Variants in PKNOX2 observed in about 807,000 individuals in gnomAD.
PKNOX2 encodes homeobox protein PKNOX2.
PKNOX2 carries 14 observed loss-of-function variants against 53.1 expected under a neutral mutation model. The observed-to-expected ratio is 0.26, with a 90% CI of 0.17 to 0.41. PKNOX2 has a LOEUF of 0.41. Among genes scored for constraint, PKNOX2 ranks in the 10% least tolerant of loss-of-function variants. The probability of loss-of-function intolerance (pLI) is 1.00; values close to 1 mark genes in which losing one functional copy is unlikely to be tolerated. For missense variants in PKNOX2, 496 were observed against 602.8 expected, an observed-to-expected ratio of 0.82 and a Z score of 1.85; for synonymous variants, 257 against 242.8, an observed-to-expected ratio of 1.06 and a Z score of -0.54.
chr11:125,178,632 A>G (rs1479906897), intron 1 of PKNOX2, among the ~76,000 whole-genome samples: 3 of 89,150 alleles, frequency 3.4e-5, no homozygotes, highest in African/African-American at 2.3e-4. Context: ...GAAAGAAAGA[A>G]AGAAAGAAAG....
chr11:125,289,274 A>G (rs111543193), intron 2 of PKNOX2, among the ~76,000 whole-genome samples: 14 of 152,308 alleles, frequency 9.2e-5, no homozygotes, highest in African/African-American at 3.1e-4. Flanking sequence ...CTCATGACTG[A>G]CTGCATGCCA....
At chr11:125,305,731 A>C (rs1948399135) in intron 2 of PKNOX2, among the ~76,000 whole-genome samples, 1 of 152,200 alleles carries the variant, frequency 6.6e-6, no homozygotes, top group Non-Finnish European at 1.5e-5. Flanking sequence ...CAAAGGTGGA[A>C]GGGAGGGGAG....
At chr11:125,183,802 G>C (rs1035420031) in intron 1 of PKNOX2, among the ~76,000 whole-genome samples, 2 of 152,056 alleles carry the variant, frequency 1.3e-5, no homozygotes, top group Non-Finnish European at 2.9e-5. Flanking sequence ...CTGAGCTGAG[G>C]GCATCAGCAG....
intron 2 of PKNOX2, among the ~76,000 whole-genome samples, chr11:125,280,378 T>A (rs1290972911): frequency 6.6e-6 from 1 of 152,100 alleles, no homozygotes; most frequent in Non-Finnish European, 1.5e-5. Context: ...GGACCTTGAA[T>A]GGGAAGTGTA....
At chr11:125,255,828 T>C (rs1031796557) in intron 2 of PKNOX2, among the ~76,000 whole-genome samples, 5 of 151,646 alleles carry the variant, frequency 3.3e-5, no homozygotes, top group Non-Finnish European at 7.4e-5. Flanking sequence ...TCTCCCAAGT[T>C]CAGCATTCCA....
intron 2 of PKNOX2, among the ~76,000 whole-genome samples, chr11:125,253,989 C>T (rs187840698): frequency 2.0e-5 from 3 of 152,184 alleles, no homozygotes; most frequent in South Asian, 2.1e-4. Flanking sequence ...CGAAGGAAGC[C>T]GCGTCTGGCT....
chr11:125,387,554 G>A (rs1401890685), intron 6 of PKNOX2, among the ~76,000 whole-genome samples: 1 of 152,036 alleles, frequency 6.6e-6, no homozygotes, highest in Non-Finnish European at 1.5e-5. Context: ...GGTTCCCCAG[G>A]GTTCTGTTCA....
chr11:125,177,007 A>T (rs1955761948), intron 1 of PKNOX2, among the ~76,000 whole-genome samples: 1 of 152,184 alleles, frequency 6.6e-6, no homozygotes, highest in South Asian at 2.1e-4. Context: ...TGCGATGTTC[A>T]TGTTCACGTC....
rs1210734768 is a variant in PKNOX2, at chr11:125,177,649, C to T, written c.-201+12873C>T. ...AGAGGGTTCTCATATTCATGAGTTC[C>T]TTTCCCGTCACTTCCGTCTCTCTCC... On this transcript the variant is annotated intron_variant, in intron 1 of 12. Coordinates refer to ENST00000298282, the MANE Select transcript of PKNOX2 (RefSeq NM_001382323.2). Among the ~76,000 whole-genome samples the T allele has an allele frequency of 2.0e-5, 3 of 152,202 alleles. No homozygotes were observed. In the East Asian group the frequency reaches 5.8e-4, roughly 29 times the overall value.
At chr11:125,277,249 A>T (rs1946231579) in intron 2 of PKNOX2, among the ~76,000 whole-genome samples, 1 of 152,172 alleles carries the variant, frequency 6.6e-6, no homozygotes, top group Admixed American at 6.5e-5. Context: ...TGGGAAGAAA[A>T]AACAATAATA....
chr11:125,431,470 G>GCCCCCCCCCCCC lies in PKNOX2; in HGVS notation c.*78_*79insCCCCCCCCCCCC. On this transcript the variant is annotated 3_prime_UTR_variant, in exon 13 of 13. Coordinates refer to ENST00000298282, the MANE Select transcript of PKNOX2 (RefSeq NM_001382323.2). ...AGGCCTTCAGGGTGGGGGGGAAGGG[G>GCCCCCCCCCCCC]ACATGGGCAGGAAGCACCGAGGGAG... 1 of 282,772 alleles carries GCCCCCCCCCCCC rather than the reference G, an allele frequency of 3.5e-6. No homozygotes were observed. The highest frequency in any genetic ancestry group is 7.1e-6 in the Non-Finnish European group (1 of 140,432). The allele number at this position is 282,772 out of a possible 1,614,324, so 17.5% of individuals were successfully genotyped here. A position where few individuals can be genotyped will look rare whatever the true frequency, so the allele number is the denominator to read the frequency against.
intron 9 of PKNOX2, chr11:125,411,097 C>A (rs1565519707): frequency 2.0e-6 from 1 of 502,434 alleles, no homozygotes; most frequent in East Asian, 3.5e-5. Context: ...ATCAAAGGAT[C>A]CTGCACTTCC....
chr11:125,168,169 A>C (rs902946798), intron 1 of PKNOX2, among the ~76,000 whole-genome samples: 2 of 152,220 alleles, frequency 1.3e-5, no homozygotes, highest in Non-Finnish European at 2.9e-5. Flanking sequence ...AGTAAGATAA[A>C]TGTGTTTAAA....
At chr11:125,225,482 A>T (rs1279426578) in intron 1 of PKNOX2, among the ~76,000 whole-genome samples, 2 of 152,180 alleles carry the variant, frequency 1.3e-5, no homozygotes, top group Non-Finnish European at 2.9e-5. Context: ...AAGAGAGATG[A>T]TCTCTAAGAG....
At chr11:125,353,227 T>C (rs1436227437) in intron 4 of PKNOX2, among the ~76,000 whole-genome samples, 1 of 152,108 alleles carries the variant, frequency 6.6e-6, no homozygotes, top group African/African-American at 2.4e-5. Context: ...CACACCTCCA[T>C]ACCCAAGACT....
intron 2 of PKNOX2, among the ~76,000 whole-genome samples, chr11:125,297,596 G>A (rs1947740466): frequency 1.3e-5 from 2 of 152,180 alleles, no homozygotes; most frequent in Non-Finnish European, 2.9e-5. Context: ...GAAATTGGCT[G>A]TTCCTGGAAG....
chr11:125,198,933 C>A (rs1238292897), intron 1 of PKNOX2, among the ~76,000 whole-genome samples: 4 of 151,736 alleles, frequency 2.6e-5, no homozygotes, highest in African/African-American at 9.7e-5. Flanking sequence ...CTCCACCTCC[C>A]AGGTTGAAGC....
intron 2 of PKNOX2, among the ~76,000 whole-genome samples, chr11:125,315,830 G>A (rs946301604): frequency 1.3e-5 from 2 of 151,728 alleles, no homozygotes; most frequent in African/African-American, 2.4e-5. Context: ...CCCCCTACCC[G>A]AGGCTTAAAG....
chr11:125,272,661 C>T (rs542713270), intron 2 of PKNOX2, among the ~76,000 whole-genome samples: 72 of 152,248 alleles, frequency 4.7e-4, no homozygotes, highest in Non-Finnish European at 6.9e-4. Flanking sequence ...GATCGTGTCG[C>T]GTAAAGAGGG....
Sources: allele counts gnomAD v4.1 joint callset (sites outside exome capture counted in the v4.1 genomes callset), GRCh38; gene constraint gnomAD v4.1.1; transcripts MANE v1.5; gene names NCBI Gene and HGNC (gene_info 2026-07-23, HGNC 2026-07-21).